Variants in STPG1 observed in about 807,000 individuals in gnomAD.
STPG1 encodes sperm tail PG-rich repeat containing 1, also known as O(6)-methylguanine-induced apoptosis 2.
Under a neutral mutation model 40.1 loss-of-function variants are expected in STPG1, and 33 were observed. That is an observed-to-expected ratio of 0.82 (90% CI 0.62 to 1.10). STPG1 has a LOEUF of 1.10. STPG1 is among the 50% of genes least tolerant of loss of function. The pLI is 0.00. For missense variants in STPG1, 396 were observed against 415.1 expected, an observed-to-expected ratio of 0.95 and a Z score of 0.40; for synonymous variants, 150 against 155.0, an observed-to-expected ratio of 0.97 and a Z score of 0.24.
chr1:24,389,545 T>C (rs560627819), intron 3 of STPG1, among the ~76,000 whole-genome samples: 133 of 152,258 alleles, frequency 8.7e-4, no homozygotes, highest in Non-Finnish European at 1.5e-3. Context: ...GGGTGGGTCA[T>C]TGAACTTCCC....
At chr1:24,373,216 G>T (rs904437723) in intron 6 of STPG1, among the ~76,000 whole-genome samples, 4 of 152,182 alleles carry the variant, frequency 2.6e-5, no homozygotes, top group African/African-American at 9.7e-5. Context: ...ACCACTCACC[G>T]TGGAGTGGGT....
rs1643117760 is a variant in STPG1, at chr1:24,399,072, A to C, written c.70+2247T>G. Among the ~76,000 whole-genome samples, 1 of 152,162 alleles carries C rather than the reference A, an allele frequency of 6.6e-6. No homozygotes were observed. Among genetic ancestry groups the C allele is most frequent in the African/African-American group, 2.4e-5 (1 of 41,450 alleles). ...GTGTGCACCATAAATATGTACAACT[A>C]TTATGTATCCATAAAAATTAAAAAT... is the stretch of plus-strand genomic sequence containing the variant. On this transcript the variant is annotated intron_variant, in intron 2 of 8. Transcript: ENST00000337248. The surrounding 1 kb of genome is among the most constrained non-coding windows in gnomAD (Gnocchi z 4.0).
In STPG1 at chr1:24,358,346, C is replaced by G. The variant is rs751517091; in HGVS notation, c.*197G>C. ...GGAGTCTGTGGGGCTGGGGTGAAGT[C>G]TCCAGGGAGCAATGTCTCCAGCTCA... On this transcript the variant is annotated 3_prime_UTR_variant, in exon 9 of 9. Coordinates refer to ENST00000337248, the MANE Select transcript of STPG1 (RefSeq NM_001199013.2). 2 of 697,984 alleles carry G rather than the reference C, an allele frequency of 2.9e-6. No homozygotes were observed. The highest frequency in any genetic ancestry group is 3.0e-5 in the South Asian group (2 of 66,760). The allele number at this position is 697,984 out of a possible 1,614,324, so 43.2% of individuals were successfully genotyped here.
chr1:24,366,183 T>TC (rs1641449335), intron 7 of STPG1, among the ~76,000 whole-genome samples: 1 of 152,100 alleles, frequency 6.6e-6, no homozygotes, highest in Non-Finnish European at 1.5e-5. Flanking sequence ...AGGGCAGGTC[T>TC]CCCCCTGCAT....
At chr1:24,360,310 G>A (rs1641019872) in intron 8 of STPG1, among the ~76,000 whole-genome samples, 1 of 152,152 alleles carries the variant, frequency 6.6e-6, no homozygotes, top group South Asian at 2.1e-4. Flanking sequence ...GTAGCTGGGT[G>A]TGGTGGCATG....
At chr1:24,379,440 A>C (rs1642179159) in intron 5 of STPG1, 2 of 564,752 alleles carry the variant, frequency 3.5e-6, no homozygotes, top group Non-Finnish European at 6.3e-6. Flanking sequence ...CCACAGCTTG[A>C]TACTGGCCTC....
intron 2 of STPG1, chr1:24,392,091 G>A: frequency 1.0e-6 from 1 of 991,928 alleles, no homozygotes; most frequent in Non-Finnish European, 1.2e-6. Context: ...CCAGCATTAG[G>A]CCGTTAAAAT....
intron 5 of STPG1, among the ~76,000 whole-genome samples, chr1:24,377,871 C>T (rs1004231834): frequency 1.3e-5 from 2 of 152,200 alleles, no homozygotes; most frequent in African/African-American, 2.4e-5. Flanking sequence ...CTGTGCAAGT[C>T]CCTTCACCTC....
At chr1:24,395,377 G>C (rs1303768036) in intron 2 of STPG1, among the ~76,000 whole-genome samples, 1 of 149,544 alleles carries the variant, frequency 6.7e-6, no homozygotes, top group Non-Finnish European at 1.5e-5. Flanking sequence ...TCTGGAAATA[G>C]TAAATATGTG....
In STPG1 at chr1:24,361,029, G is replaced by A; in HGVS notation, c.750C>T (p.Ile250=). ...GCGAAGGCTGAGCAGAGAAGTTCAG[G>A]ATGGGGTTTTTCCTTTGGGAAAGAT... ...PKKTLFPKNP[I]LNFSAQPSPL... is the part of the protein sequence containing the mutation. The change falls in exon 8 of 9, where the codon ATC becomes ATT. Residue 250 remains isoleucine, a synonymous_variant. Transcript: ENST00000337248. 1 of 1,608,138 alleles carries A rather than the reference G, an allele frequency of 6.2e-7. No individual in the cohort carries two copies. Among genetic ancestry groups the A allele is most frequent in the Non-Finnish European group, 8.5e-7 (1 of 1,177,286 alleles).
At chr1:24,410,267 A>G (rs1395388721) in intron 1 of STPG1, among the ~76,000 whole-genome samples, 1 of 152,216 alleles carries the variant, frequency 6.6e-6, no homozygotes, top group Admixed American at 6.5e-5. Flanking sequence ...ATGTATGTAC[A>G]CTGTCAACAT....
chr1:24,394,624 T>C (rs1443529751), intron 2 of STPG1, among the ~76,000 whole-genome samples: 3 of 152,118 alleles, frequency 2.0e-5, no homozygotes, highest in Non-Finnish European at 4.4e-5. Flanking sequence ...ATTAAGTAGA[T>C]ATGGAAGATA....
rs2148672374 is a variant in STPG1, at chr1:24,358,231, G to A, written c.*312C>T. On this transcript the variant is annotated 3_prime_UTR_variant, in exon 9 of 9. Transcript: ENST00000337248. Reference sequence around the variant, plus strand: ...TCAGGAGTCCCTTCAGTCTGCGGCAGGGAGTCGTGCCGGAAGGCAGCCTGG... The same window carrying A: ...TCAGGAGTCCCTTCAGTCTGCGGCAAGGAGTCGTGCCGGAAGGCAGCCTGG... The A allele has an allele frequency of 1.7e-6, 1 of 589,564 alleles. No homozygotes were observed. The highest frequency in any genetic ancestry group is 1.5e-5 in the South Asian group (1 of 65,736). 36.5% of individuals were successfully genotyped at this position (589,564 alleles called of 1,614,324 possible).
intron 7 of STPG1, among the ~76,000 whole-genome samples, chr1:24,363,633 T>C (rs1009186467): frequency 9.9e-5 from 15 of 152,250 alleles, no homozygotes; most frequent in African/African-American, 3.6e-4. Context: ...GTGCTTTACT[T>C]GTAACATTTG....
intron 1 of STPG1, among the ~76,000 whole-genome samples, chr1:24,408,868 T>C (rs759983615): frequency 2.6e-5 from 4 of 152,212 alleles, no homozygotes; most frequent in Non-Finnish European, 4.4e-5. Flanking sequence ...CCATGCAGTA[T>C]TTTTCCTTAC....
chr1:24,358,642 A>G (rs763240698), intron 8 of STPG1, 23 bp from the exon 9 acceptor site: 2 of 1,585,334 alleles, frequency 1.3e-6, no homozygotes, highest in East Asian at 2.2e-5. Context: ...AGAGAGGCGG[A>G]GGCATTAAGA....
At chr1:24,388,546 GTT>G (rs757069916) in intron 3 of STPG1, among the ~76,000 whole-genome samples, 2 of 152,208 alleles carry the variant, frequency 1.3e-5, no homozygotes, top group Non-Finnish European at 2.9e-5. Flanking sequence ...TCACTGCAAA[GTT>G]AGCCTCACAA....
chr1:24,371,939 A>G (rs1641766331), intron 6 of STPG1, among the ~76,000 whole-genome samples: 1 of 152,160 alleles, frequency 6.6e-6, no homozygotes, highest in African/African-American at 2.4e-5. Flanking sequence ...GCACTTTGGG[A>G]GGCCGAGGCA....
At chr1:24,398,242 C>G (rs1643085670) in intron 2 of STPG1, among the ~76,000 whole-genome samples, 1 of 151,940 alleles carries the variant, frequency 6.6e-6, no homozygotes, top group African/African-American at 2.4e-5. Flanking sequence ...GGTGAAGTAA[C>G]TGTTTAGTAG....
Sources: gnomAD v4.1 joint callset for allele counts (sites outside exome capture counted in the v4.1 genomes callset) on GRCh38, gnomAD v4.1.1 for gene constraint, Gnocchi (gnomAD v3.1) non-coding constraint, MANE v1.5 for transcripts, NCBI Gene and HGNC (gene_info 2026-07-23, HGNC 2026-07-21) for gene names.